Variants in HMCN2 observed in about 807,000 individuals in gnomAD.
The protein encoded by HMCN2 is hemicentin-2.
In HMCN2, 325 loss-of-function variants were observed where a neutral mutation model predicts 377.5. The ratio of observed to expected loss-of-function variants is 0.86; its 90% confidence interval spans 0.79 to 0.94. The LOEUF is 0.94. HMCN2 is among the 40% of genes least tolerant of loss of function. The pLI, the probability that HMCN2 is intolerant of heterozygous loss-of-function variation, is 0.00. For synonymous variants in HMCN2, 2,007 were observed against 2,046.8 expected, an observed-to-expected ratio of 0.98 and a Z score of 0.53; for missense variants, 4,543 against 4,725.3, an observed-to-expected ratio of 0.96 and a Z score of 1.13.
At chr9:130,282,306 C>T (rs2131267960) in intron 1 of HMCN2, among the ~76,000 whole-genome samples, 1 of 152,304 alleles carries the variant, frequency 6.6e-6, no homozygotes, top group South Asian at 2.1e-4. Context: ...TGAATTCTCA[C>T]AGTGATGGTT....
chr9:130,346,229 G>A (rs1400198123), intron 25 of HMCN2, among the ~76,000 whole-genome samples: 5 of 152,184 alleles, frequency 3.3e-5, no homozygotes, highest in Middle Eastern at 3.4e-3. Context: ...TGGGGCTCAC[G>A]CTGCGACCTC....
intron 11 of HMCN2, among the ~76,000 whole-genome samples, chr9:130,305,841 G>C (rs1296279255): frequency 6.6e-6 from 1 of 152,134 alleles, no homozygotes; most frequent in Non-Finnish European, 1.5e-5. Context: ...TCTCCCTAAG[G>C]CTCCCTAGAG....
At chr9:130,350,190 A>T (rs181979577) in intron 29 of HMCN2, among the ~76,000 whole-genome samples, 219 of 151,128 alleles carry the variant, frequency 1.4e-3, no homozygotes, top group African/African-American at 5.0e-3. Flanking sequence ...GATTACAGGC[A>T]TGAGCCACCG....
intron 14 of HMCN2, among the ~76,000 whole-genome samples, chr9:130,309,442 G>C (rs558489242): frequency 1.3e-5 from 2 of 149,450 alleles, no homozygotes; most frequent in South Asian, 4.3e-4. Context: ...TTGAACCTGG[G>C]AGGTAGAGGT....
intron 43 of HMCN2, among the ~76,000 whole-genome samples, chr9:130,366,247 G>A (rs772412585): frequency 1.5e-4 from 23 of 152,078 alleles, no homozygotes; most frequent in Non-Finnish European, 3.2e-4. Context: ...CACTTCAGAC[G>A]TCCCTTCTTC....
At chr9:130,346,419 G>A (rs1352588143) in intron 25 of HMCN2, among the ~76,000 whole-genome samples, 1 of 152,096 alleles carries the variant, frequency 6.6e-6, no homozygotes, top group Non-Finnish European at 1.5e-5. Context: ...AGACCAACAT[G>A]GGGCGTGTCC....
chr9:130,358,318 G>C, intron 35 of HMCN2, 72 bp from the exon 36 acceptor site: 1 of 1,299,308 alleles, frequency 7.7e-7, no homozygotes, highest in Non-Finnish European at 1.0e-6. Flanking sequence ...CTCGGCAGCA[G>C]CCTGGCCACT....
At chr9:130,301,398 A>C (rs1232635905) in intron 8 of HMCN2, among the ~76,000 whole-genome samples, 1 of 152,238 alleles carries the variant, frequency 6.6e-6, no homozygotes, top group Non-Finnish European at 1.5e-5. Context: ...TCTAGATTAA[A>C]GTTGGGGAAG....
At position 130,428,465 on chromosome 9, in the gene HMCN2, G is replaced by A. The variant is rs1844525722; in HGVS notation, c.14173G>A (p.Val4725Met). The change falls in exon 93 of 98, where the codon GTG (valine) becomes ATG (methionine). Residue 4725 changes from valine (V) to methionine (M), a missense_variant. Around this residue, in one of 5 missense-constraint regions of HMCN2, gnomAD observed 1,155 missense variants for 1,157.7 expected, o/e 1.00. Coordinates refer to ENST00000683500, the MANE Select transcript of HMCN2 (RefSeq NM_001291815.2). The surrounding 1 kb of genome is among the most constrained non-coding windows in gnomAD (Gnocchi z 5.0). Reference sequence around the variant, plus strand: ...CCCCGACTGTGGGCCTGGCTTCCGGGTGGCTGATGGGGCCGGCTGTGAAGG... The same window carrying A: ...CCCCGACTGTGGGCCTGGCTTCCGGATGGCTGATGGGGCCGGCTGTGAAGG... ...CLPDCGPGFRVADGAGCEDVD... is the reference protein window; with the variant it reads ...CLPDCGPGFRMADGAGCEDVD... 1.3e-6 allele frequency: 2 copies of A among 1,543,004 alleles called. No homozygotes were observed. Among genetic ancestry groups the A allele is most frequent in the African/African-American group, 1.4e-5 (1 of 73,048 alleles).
At chr9:130,281,073 A>C (rs1189164501) in intron 1 of HMCN2, among the ~76,000 whole-genome samples, 2 of 151,906 alleles carry the variant, frequency 1.3e-5, no homozygotes, top group Middle Eastern at 3.4e-3. Context: ...ACTGTACTCC[A>C]ACCTGGGTGA....
rs1842317709 is a variant in HMCN2 at position 130,391,445 on chromosome 9, G to A, written c.9828-5G>A. ...TCTGCCCTGGGCCCTCCTTCCCTGT[G>A]GCAGGTTCTACCTGGACGGCGGCTC... On this transcript the variant is annotated splice_region_variant and splice_polypyrimidine_tract_variant and intron_variant, in intron 64 of 97. Transcript: ENST00000683500. The A allele has an allele frequency of 3.0e-6, 3 of 987,900 alleles. No homozygotes were observed. The South Asian group carries it at 1.4e-4, about 46-fold the overall frequency. The allele number at this position is 987,900 out of a possible 1,614,324, so 61.2% of individuals were successfully genotyped here.
chr9:130,272,850 G>A (rs1479454487), intron 1 of HMCN2, among the ~76,000 whole-genome samples: 4 of 152,320 alleles, frequency 2.6e-5, no homozygotes, highest in Non-Finnish European at 4.4e-5. Flanking sequence ...GAACCACTGC[G>A]CCTGGCCGAG....
chr9:130,313,591 C>T (rs2131375539), intron 15 of HMCN2, among the ~76,000 whole-genome samples: 1 of 99,492 alleles, frequency 1.0e-5, no homozygotes, highest in Non-Finnish European at 2.5e-5. Context: ...ATAAATAATG[C>T]ATGTGGGCAC....
intron 25 of HMCN2, among the ~76,000 whole-genome samples, chr9:130,345,277 T>C (rs1839318556): frequency 1.3e-5 from 2 of 148,390 alleles, no homozygotes; most frequent in South Asian, 2.2e-4. Context: ...GTGTGTGTAG[T>C]GTATGGTGTG....
intron 48 of HMCN2, 91 bp from the exon 49 acceptor site, chr9:130,374,411 C>A: frequency 1.6e-6 from 1 of 622,712 alleles, no homozygotes; most frequent in Non-Finnish European, 2.0e-6. Context: ...GGAAAATTCA[C>A]ATCCCCTGAT....
chr9:130,359,938 C>G (rs963904187), intron 37 of HMCN2, among the ~76,000 whole-genome samples: 1 of 152,136 alleles, frequency 6.6e-6, no homozygotes, highest in South Asian at 2.1e-4. Context: ...GGACATGTCC[C>G]GGCAGGATGC....
chr9:130,365,453 G>C (rs755146017), intron 41 of HMCN2, among the ~76,000 whole-genome samples, 178 bp from the exon 42 acceptor site: 1 of 152,236 alleles, frequency 6.6e-6, no homozygotes, highest in African/African-American at 2.4e-5. Context: ...CCACAGGCAC[G>C]TGCTTCTGGA....
rs750528137 is a variant in HMCN2 at position 130,398,661 on chromosome 9, A to C, written c.11437A>C (p.Lys3813Gln). 9 of 1,289,576 alleles carry C rather than the reference A, an allele frequency of 7.0e-6. No individual in the cohort carries two copies. The South Asian group carries it at 9.9e-5, about 14-fold the overall frequency. 79.9% of individuals were successfully genotyped at this position (1,289,576 alleles called of 1,614,324 possible). ...GSPKPLVVWW[K>Q]DGQKLDFRLQ... ...CCCTAAGCCCCTGGTGGTCTGGTGGAAGGACGGACAGAAGCTGGACTTCCG... is the reference window on the plus strand; with the variant it reads ...CCCTAAGCCCCTGGTGGTCTGGTGGCAGGACGGACAGAAGCTGGACTTCCG... Residue 3813 changes from lysine (K) to glutamine (Q), a missense_variant, in exon 75 of 98, where the codon AAG becomes CAG. By Grantham distance (53) the Lys-to-Gln change is moderately conservative. This residue lies in a region of HMCN2 where 1,073 missense variants were observed against 1,319.5 expected (regional missense o/e 0.81). Transcript: ENST00000683500.
At chr9:130,326,148 C>A (rs1273835572) in intron 21 of HMCN2, among the ~76,000 whole-genome samples, 178 bp downstream of exon 21, 1 of 152,172 alleles carries the variant, frequency 6.6e-6, no homozygotes, top group Non-Finnish European at 1.5e-5. Context: ...CCTCTCTCTG[C>A]CCCAGACCCT....
Sources: allele counts gnomAD v4.1 joint callset (sites outside exome capture counted in the v4.1 genomes callset), GRCh38; gene constraint gnomAD v4.1.1; regional missense constraint gnomAD v4.1.1; non-coding constraint Gnocchi (gnomAD v3.1); transcripts MANE v1.5; gene names NCBI Gene and HGNC (gene_info 2026-07-23, HGNC 2026-07-21).